Variants in ABHD18 observed in about 807,000 individuals in gnomAD.
The protein encoded by ABHD18 is cardiolipin-specific deacylase, mitochondrial.
In ABHD18, 55 loss-of-function variants were observed where a neutral mutation model predicts 65.9. The ratio of observed to expected loss-of-function variants is 0.84; its 90% CI spans 0.67 to 1.05. ABHD18 has a LOEUF of 1.05. ABHD18 is among the 50% of genes least tolerant of loss of function. ABHD18 has a pLI of 0.00. For missense variants in ABHD18, 533 were observed against 558.5 expected, an observed-to-expected ratio of 0.95 and a Z score of 0.46; for synonymous variants, 181 against 180.2, an observed-to-expected ratio of 1.00 and a Z score of -0.04.
chr4:127,983,411 C>A (rs1422328508), intron 2 of ABHD18, among the ~76,000 whole-genome samples: 1 of 152,102 alleles, frequency 6.6e-6, no homozygotes, highest in Non-Finnish European at 1.5e-5. Flanking sequence ...TGGAATACTC[C>A]GTAGCTCACA....
At chr4:128,031,032 G>C in intron 12 of ABHD18, 1 of 1,010,610 alleles carries the variant, frequency 9.9e-7, no homozygotes, top group African/African-American at 1.7e-5. Flanking sequence ...TTTTCAGAAT[G>C]GCCTGAACAT....
At chr4:127,985,187 A>G (rs541299680) in intron 3 of ABHD18, among the ~76,000 whole-genome samples, 57 of 152,320 alleles carry the variant, frequency 3.7e-4, no homozygotes, top group Non-Finnish European at 6.2e-4. Context: ...TAGAAAGAAA[A>G]TGCTATAAAA....
In ABHD18 at chr4:128,038,415, C is replaced by CT. The variant is rs1759062707; in HGVS notation, c.*2605dup. 1 of 152,040 alleles carries CT rather than the reference C, an allele frequency of 6.6e-6. No homozygotes were observed. The highest frequency in any genetic ancestry group is 1.5e-5 in the Non-Finnish European group (1 of 68,006). 9.4% of individuals were successfully genotyped at this position (152,040 alleles called of 1,614,324 possible). A position where few individuals can be genotyped will look rare whatever the true frequency, so the allele number is the denominator to read the frequency against. ...AACAATGGTTTTAGTAAAACAAATA[C>CT]TTTATTATTGTTCACATAAACATTT... On this transcript the variant is annotated 3_prime_UTR_variant, in exon 13 of 13. Transcript: ENST00000645843.
intron 3 of ABHD18, among the ~76,000 whole-genome samples, chr4:127,985,931 C>T (rs1350038193): frequency 1.3e-5 from 2 of 152,122 alleles, no homozygotes; most frequent in African/African-American, 2.4e-5. Flanking sequence ...AGGAGAATTG[C>T]TTGAACCCAG....
rs1221360364 is a variant in ABHD18 at position 128,038,463 on chromosome 4, T to G, written c.*2650T>G. ...TTTCTTACTAAGCAATAATGTACTA[T>G]GTTGTGTGAATTTCTATTGTTAAAA... On this transcript the variant is annotated 3_prime_UTR_variant, in exon 13 of 13. Transcript: ENST00000645843. The G allele has an allele frequency of 6.6e-6, 1 of 152,218 alleles. No individual in the cohort carries two copies. The highest frequency in any genetic ancestry group is 1.5e-5 in the Non-Finnish European group (1 of 68,024). The allele number at this position is 152,218 out of a possible 1,614,324, so 9.4% of individuals were successfully genotyped here.
chr4:127,990,706 G>T (rs1262101157), intron 4 of ABHD18, among the ~76,000 whole-genome samples: 2 of 152,174 alleles, frequency 1.3e-5, no homozygotes, highest in Non-Finnish European at 2.9e-5. Context: ...GCTAAGTAAA[G>T]TGCCTCAGGA....
Position 127,965,593 on chromosome 4 carries a change from C to A in ABHD18, c.-31C>A. On this transcript the variant is annotated 5_prime_UTR_variant, in exon 1 of 13. Coordinates refer to ENST00000645843, the MANE Select transcript of ABHD18 (RefSeq NM_001358451.3). ...GCCCGGCCAGCTCGATCGCAGGCTTCCACCTGGCGGCCAGTAAGTAGCCGG... is the reference window on the plus strand; with the variant it reads ...GCCCGGCCAGCTCGATCGCAGGCTTACACCTGGCGGCCAGTAAGTAGCCGG... The A allele has an allele frequency of 4.4e-6, 1 of 227,084 alleles. No homozygotes were observed. The highest frequency in any genetic ancestry group is 5.3e-5 in the South Asian group (1 of 18,732). The allele number at this position is 227,084 out of a possible 1,614,324, so 14.1% of individuals were successfully genotyped here.
intron 7 of ABHD18, among the ~76,000 whole-genome samples, chr4:128,016,171 C>G (rs1755461624): frequency 6.6e-6 from 1 of 151,770 alleles, no homozygotes; most frequent in African/African-American, 2.4e-5. Flanking sequence ...TCAGGCTGGT[C>G]TCTAACTCCT....
At chr4:128,022,691 AT>A (rs201218955) in intron 10 of ABHD18, among the ~76,000 whole-genome samples, 3 of 149,330 alleles carry the variant, frequency 2.0e-5, no homozygotes, top group African/African-American at 7.4e-5. Context: ...TAAATGCTTG[AT>A]TTTTTTTCTG....
chr4:128,030,028 A>C (rs1171368153), intron 11 of ABHD18, among the ~76,000 whole-genome samples: 1 of 151,160 alleles, frequency 6.6e-6, no homozygotes, highest in Non-Finnish European at 1.5e-5. Context: ...GGTGGCATTC[A>C]CCTGTAGTCC....
At chr4:128,033,177 C>T (rs1236504127) in intron 12 of ABHD18, among the ~76,000 whole-genome samples, 2 of 151,954 alleles carry the variant, frequency 1.3e-5, no homozygotes, top group African/African-American at 4.8e-5. Flanking sequence ...TGGTGTGAAC[C>T]CAGAGGTCAG....
rs543904588 is a variant in ABHD18, at chr4:127,982,806, A to G, written c.-17-133A>G. 2.1e-4 allele frequency: 117 copies of G among 547,836 alleles called. 1 individual carries two copies. The highest frequency in any genetic ancestry group is 1.9e-3 in the African/African-American group (100 of 51,368). The allele number at this position is 547,836 out of a possible 1,614,324, so 33.9% of individuals were successfully genotyped here. ...CTCTTTTTTTTCCCCCAAATCTTGT[A>G]TTTTGTTTCCAAAGGAATTAATTCG... On this transcript the variant is annotated intron_variant, in intron 1 of 12. Transcript: ENST00000645843.
intron 11 of ABHD18, 69 bp from the exon 12 acceptor site, chr4:128,030,441 T>C (rs1758037391): frequency 9.2e-7 from 1 of 1,087,500 alleles, no homozygotes; most frequent in East Asian, 2.9e-5. Context: ...ATGTTTTATT[T>C]ACTGCATTGT....
At chr4:128,014,716 C>G (rs1185847872) in intron 7 of ABHD18, among the ~76,000 whole-genome samples, 1 of 151,772 alleles carries the variant, frequency 6.6e-6, no homozygotes, top group Non-Finnish European at 1.5e-5. Flanking sequence ...TTGCATGAGT[C>G]CAGGAGTTCA....
chr4:128,011,909 TA>T (rs1431834705), intron 7 of ABHD18, among the ~76,000 whole-genome samples: 2 of 152,094 alleles, frequency 1.3e-5, no homozygotes, highest in African/African-American at 4.8e-5. Flanking sequence ...GGAAATACAA[TA>T]AAAAATTTTA....
rs1009112297 is a variant in ABHD18 at position 128,017,507 on chromosome 4, C to T, written c.609+6C>T. The T allele has an allele frequency of 2.5e-6, 4 of 1,590,268 alleles. No homozygotes were observed. The highest frequency in any genetic ancestry group is 3.4e-6 in the Non-Finnish European group (4 of 1,172,924). On this transcript the variant is annotated splice_donor_region_variant and intron_variant, in intron 8 of 12. Coordinates refer to ENST00000645843, the MANE Select transcript of ABHD18 (RefSeq NM_001358451.3). Reference sequence around the variant, plus strand: ...GAATATCCATGGGAGGACACGTAAGCCTTTTTATTTCTGCTTACATTTAAT... The same window carrying T: ...GAATATCCATGGGAGGACACGTAAGTCTTTTTATTTCTGCTTACATTTAAT...
Position 128,021,161 on chromosome 4 carries a change from T to C in ABHD18, c.724T>C (p.Trp242Arg). The stretch of plus-strand genomic sequence containing the variant: ...GGGTGTGTTGAGTAAATCAATTAAT[T>C]GGAGGGAGCTGGAAAAGCAATATTA... The part of the protein sequence containing the change: ...TTGVLSKSIN[W>R]RELEKQYYTQ... Residue 242 changes from tryptophan to arginine, a missense_variant, in exon 10 of 13, where the codon TGG becomes CGG. Physicochemically the swap from Trp to Arg is moderately radical, Grantham distance 101 (BLOSUM62 -3). Transcript: ENST00000645843. 1 of 1,547,850 alleles carries C rather than the reference T, an allele frequency of 6.5e-7. No homozygotes were observed. The highest frequency in any genetic ancestry group is 8.7e-7 in the Non-Finnish European group (1 of 1,144,680).
chr4:128,022,827 G>C (rs559603107), intron 10 of ABHD18, among the ~76,000 whole-genome samples: 1 of 147,746 alleles, frequency 6.8e-6, no homozygotes, highest in Non-Finnish European at 1.5e-5. Flanking sequence ...GCAGTGGCAC[G>C]ATCTTAGCTC....
At chr4:128,013,977 CTTTTTTTT>C (rs61303818) in intron 7 of ABHD18, among the ~76,000 whole-genome samples, 2 of 115,122 alleles carry the variant, frequency 1.7e-5, no homozygotes, top group Admixed American at 1.9e-4. Context: ...GAATTTCCAC[CTTTTTTTT>C]TTTTTTTTTT....
Sources: allele counts gnomAD v4.1 joint callset (sites outside exome capture counted in the v4.1 genomes callset), GRCh38; gene constraint gnomAD v4.1.1; transcripts MANE v1.5; gene names NCBI Gene and HGNC (gene_info 2026-07-23, HGNC 2026-07-21).